Variants in FARP1 observed in about 807,000 individuals in gnomAD.
FARP1 encodes the protein FERM, ARHGEF and pleckstrin domain-containing protein 1.
In FARP1, 52 loss-of-function variants were observed where a neutral mutation model predicts 128.8. The ratio of observed to expected loss-of-function variants is 0.40; its 90% confidence interval spans 0.32 to 0.51. The LOEUF is 0.51. Ranked by LOEUF, FARP1 falls within the 20% of genes least tolerant of loss-of-function variation. The pLI, the probability that FARP1 is intolerant of heterozygous loss-of-function variation, is 0.45. For synonymous variants in FARP1, 580 were observed against 551.8 expected, an observed-to-expected ratio of 1.05 and a Z score of -0.72; for missense variants, 1,333 against 1,367.9, an observed-to-expected ratio of 0.97 and a Z score of 0.40.
intron 2 of FARP1, among the ~76,000 whole-genome samples, chr13:98,256,985 A>T (rs1464211455): frequency 7.5e-6 from 1 of 133,012 alleles, no homozygotes; most frequent in Non-Finnish European, 1.6e-5. Flanking sequence ...ATATATATAT[A>T]TATATACCGA....
Position 98,269,513 on chromosome 13 carries a change from G to A in FARP1, c.171+56100G>A, listed in dbSNP as rs1482783073. ...CATCTCAACAGACTCATCCACAGCA[G>A]CCCTATGAAATTGATGGGGCAGATA... On this transcript the variant is annotated intron_variant, in intron 2 of 26. Transcript: ENST00000319562. Among the ~76,000 whole-genome samples, 5 of 152,220 alleles carry A rather than the reference G, an allele frequency of 3.3e-5. No homozygotes were observed. In the East Asian group the frequency reaches 5.8e-4, roughly 18 times the overall value.
chr13:98,354,286 A>G (rs957208459), intron 3 of FARP1, among the ~76,000 whole-genome samples: 1 of 152,218 alleles, frequency 6.6e-6, no homozygotes, highest in African/African-American at 2.4e-5. Context: ...ACGTAAAACC[A>G]TATTCTACGA....
At position 98,272,758 on chromosome 13, in the gene FARP1, A is replaced by G. The variant is rs553793018; in HGVS notation, c.171+59345A>G. On this transcript the variant is annotated intron_variant, in intron 2 of 26. Coordinates refer to ENST00000319562, the MANE Select transcript of FARP1 (RefSeq NM_005766.4). Reference sequence around the variant, plus strand: ...GGTTGCTACCCTGGCTTGAGCTCCTATCAGCTCACATTTCAGAGATGATTA... The same window carrying G: ...GGTTGCTACCCTGGCTTGAGCTCCTGTCAGCTCACATTTCAGAGATGATTA... 3.9e-5 allele frequency among the ~76,000 whole-genome samples: 6 copies of G among 152,314 alleles called. No homozygotes were observed. In the South Asian group the frequency reaches 1.2e-3, roughly 32 times the overall value.
intron 17 of FARP1, among the ~76,000 whole-genome samples, chr13:98,426,963 C>T (rs1182929651): frequency 2.6e-5 from 4 of 152,134 alleles, no homozygotes; most frequent in Admixed American, 1.3e-4. Flanking sequence ...CGTATTCTTC[C>T]GTCCACCCCT....
chr13:98,197,120 A>C (rs1879609035), intron 1 of FARP1, among the ~76,000 whole-genome samples: 3 of 152,152 alleles, frequency 2.0e-5, no homozygotes, highest in Admixed American at 1.3e-4. Context: ...TTTCTAATTT[A>C]CTGAATTTGG....
chr13:98,392,531 C>A (rs1018379320), intron 11 of FARP1, among the ~76,000 whole-genome samples: 1 of 151,414 alleles, frequency 6.6e-6, no homozygotes, highest in African/African-American at 2.4e-5. Context: ...AGAAAAACTG[C>A]TCTGAGTGTG....
At chr13:98,251,403 C>T (rs920286038) in intron 2 of FARP1, among the ~76,000 whole-genome samples, 7 of 152,128 alleles carry the variant, frequency 4.6e-5, no homozygotes, top group East Asian at 1.9e-4. Flanking sequence ...CACTGGGGGC[C>T]GGGCATGGTA....
chr13:98,405,826 C>T (rs1479867676), intron 13 of FARP1: 1 of 152,094 alleles, frequency 6.6e-6, no homozygotes, highest in East Asian at 1.9e-4. Flanking sequence ...CTAGAAATAC[C>T]GAGGCATTGA....
At chr13:98,351,457 G>A (rs866339274) in intron 3 of FARP1, among the ~76,000 whole-genome samples, 30 of 151,728 alleles carry the variant, frequency 2.0e-4, no homozygotes, top group Middle Eastern at 3.2e-3. Context: ...CTAAAAATAC[G>A]AAAAATTAGC....
chr13:98,393,665 A>G lies in FARP1; in HGVS notation c.1111A>G (p.Ile371Val). The G allele has an allele frequency of 1.2e-6, 2 of 1,614,052 alleles. No individual in the cohort carries two copies. Among genetic ancestry groups the G allele is most frequent in the Non-Finnish European group, 1.7e-6 (2 of 1,179,862 alleles). ...CAGGAAGCACAGCAAGATTCATTCT[A>G]TCCGGAGCCTTGCTTCACAGCCTAC... The part of the protein sequence containing the change: ...FERKHSKIHS[I>V]RSLASQPTEL... The change falls in exon 12 of 27, where the codon ATC becomes GTC. Residue 371 changes from isoleucine (I) to valine (V), a missense_variant. By Grantham distance (29) the Ile-to-Val change is conservative (BLOSUM62 3). Coordinates refer to ENST00000319562, the MANE Select transcript of FARP1 (RefSeq NM_005766.4).
chr13:98,368,265 A>G (rs1362031728), intron 5 of FARP1, 70 bp downstream of exon 5: 2 of 1,072,788 alleles, frequency 1.9e-6, no homozygotes, highest in Non-Finnish European at 2.9e-6. Context: ...AATGTTCTCA[A>G]TTGATGACAC....
intron 13 of FARP1, chr13:98,399,640 C>T (rs1890684086): frequency 1.3e-5 from 2 of 152,162 alleles, no homozygotes; most frequent in African/African-American, 2.4e-5. Flanking sequence ...GTGTAGGGGT[C>T]TCCTGACTCA....
In FARP1 at chr13:98,384,521, G is replaced by A. The variant is rs1414238133; in HGVS notation, c.497-209G>A. The A allele has an allele frequency of 3.1e-5, 18 of 583,210 alleles. No homozygotes were observed. In the Middle Eastern group the frequency reaches 1.7e-3, roughly 56 times the overall value. 36.1% of individuals were successfully genotyped at this position (583,210 alleles called of 1,614,324 possible). ...AAGCTTCTTTCTGACTGATAGAGAT[G>A]AGGAGGGGAGAAAACTGTCTTCTCA... is the stretch of plus-strand genomic sequence containing the variant. On this transcript the variant is annotated intron_variant, in intron 6 of 26. Coordinates refer to ENST00000319562, the MANE Select transcript of FARP1 (RefSeq NM_005766.4).
intron 2 of FARP1, among the ~76,000 whole-genome samples, chr13:98,257,660 C>T (rs1210623382): frequency 1.3e-5 from 2 of 152,142 alleles, no homozygotes; most frequent in Admixed American, 1.3e-4. Context: ...ATCCTAGCTA[C>T]TTGGGAGGCT....
At position 98,350,567 on chromosome 13, in the gene FARP1, T is replaced by C. The variant is rs116968433; in HGVS notation, c.276+6701T>C. 1.1e-3 allele frequency among the ~76,000 whole-genome samples: 163 copies of C among 152,278 alleles called. 2 individuals are homozygous for C. In the East Asian group the frequency reaches 0.031, roughly 29 times the overall value. ...AACATTCTGTGGGTTTTGACACATG[T>C]TTCTGGACTTGCATCTACCACAACA... On this transcript the variant is annotated intron_variant, in intron 3 of 26. Transcript: ENST00000319562.
chr13:98,152,659 A>G (rs978783362), intron 1 of FARP1, among the ~76,000 whole-genome samples: 8 of 152,190 alleles, frequency 5.3e-5, no homozygotes, highest in Non-Finnish European at 8.8e-5. Context: ...GTTTTCGGTT[A>G]TTGCCATCTA....
intron 1 of FARP1, among the ~76,000 whole-genome samples, chr13:98,179,993 T>G (rs1194470054): frequency 6.6e-6 from 1 of 152,142 alleles, no homozygotes; most frequent in African/African-American, 2.4e-5. Flanking sequence ...ACAGAAGAGA[T>G]ATCTCCTGCT....
At chr13:98,229,365 G>A (rs16955053) in intron 2 of FARP1, among the ~76,000 whole-genome samples, 6,232 of 152,066 alleles carry the variant, frequency 0.041, 401 homozygotes, top group African/African-American at 0.14. Flanking sequence ...GTAGCATTTG[G>A]GTAAATTTCC....
intron 2 of FARP1, among the ~76,000 whole-genome samples, chr13:98,227,132 C>T (rs561057323): frequency 5.3e-5 from 8 of 152,120 alleles, no homozygotes; most frequent in Middle Eastern, 6.8e-3. Context: ...TTAGTAGAGA[C>T]GGGGTTTCAC....
Sources: allele counts gnomAD v4.1 joint callset (sites outside exome capture counted in the v4.1 genomes callset), GRCh38; gene constraint gnomAD v4.1.1; transcripts MANE v1.5; gene names NCBI Gene and HGNC (gene_info 2026-07-23, HGNC 2026-07-21).